Variants in ABLIM2 observed in about 807,000 individuals in gnomAD.
The protein encoded by ABLIM2 is actin binding LIM protein family member 2.
Under a neutral mutation model 97.7 loss-of-function variants are expected in ABLIM2, and 53 were observed. The observed-to-expected ratio is 0.54, with a 90% CI of 0.44 to 0.68. The LOEUF (loss-of-function observed/expected upper bound fraction) is 0.68. Ranked by LOEUF, ABLIM2 falls within the 30% of genes least tolerant of loss-of-function variation. The pLI, the probability that ABLIM2 is intolerant of heterozygous loss-of-function variation, is 0.00. For missense variants in ABLIM2, 835 were observed against 867.2 expected (o/e 0.96, Z 0.47); for synonymous variants, 361 against 345.8 (o/e 1.04, Z -0.49).
rs920549940 is a variant in ABLIM2, at chr4:8,155,614, C to G, written c.10+3066G>C. On this transcript the variant is annotated intron_variant, in intron 1 of 20. Transcript: ENST00000447017. This position sits in a 1 kb window ranked among gnomAD's most constrained non-coding sequence, Gnocchi z 4.2. Reference sequence around the variant, plus strand: ...AAATTCATATGCTGAAGTCCTAACCCCCAGTACTCCAGGATGTGACTATGC... The same window carrying G: ...AAATTCATATGCTGAAGTCCTAACCGCCAGTACTCCAGGATGTGACTATGC... Among the ~76,000 whole-genome samples, 6 of 152,138 alleles carry G rather than the reference C, an allele frequency of 3.9e-5. No individual in the cohort carries two copies.
Position 7,992,392 on chromosome 4 carries a change from T to C in ABLIM2, c.1680+474A>G, listed in dbSNP as rs952419450. 5.9e-5 allele frequency among the ~76,000 whole-genome samples: 9 copies of C among 152,126 alleles called. No individual in the cohort carries two copies. The highest frequency in any genetic ancestry group is 2.2e-4 in the African/African-American group (9 of 41,442). ...TCCGTGCAGCCTCAAGTAACAGCCT[T>C]GGACGCTAAGGATTATTTGGTGTCA... On this transcript the variant is annotated intron_variant, in intron 17 of 20. Transcript: ENST00000447017. The surrounding 1 kb of genome is among the most constrained non-coding windows in gnomAD (Gnocchi z 5.7).
chr4:8,106,143 G>A (rs755996280), intron 2 of ABLIM2, among the ~76,000 whole-genome samples: 8 of 152,208 alleles, frequency 5.3e-5, no homozygotes, highest in Non-Finnish European at 7.3e-5. Context: ...CTGAGTTCAT[G>A]CGGCTGACCA....
intron 1 of ABLIM2, among the ~76,000 whole-genome samples, chr4:8,111,950 A>G (rs1054629319): frequency 2.0e-5 from 3 of 146,542 alleles, no homozygotes; most frequent in African/African-American, 7.5e-5. Flanking sequence ...AAAAAAATTT[A>G]AAAAGGAACT....
intron 20 of ABLIM2, among the ~76,000 whole-genome samples, chr4:7,979,979 A>G (rs756133967): frequency 2.6e-5 from 4 of 152,232 alleles, no homozygotes; most frequent in South Asian, 2.1e-4. Flanking sequence ...TGGAGCCAGC[A>G]CAGAAAAAGC....
chr4:8,054,336 A>G lies in ABLIM2; in HGVS notation c.764-90T>C, dbSNP rs551420258. The G allele has an allele frequency of 3.9e-5, 55 of 1,403,700 alleles. 1 individual carries two copies. In the South Asian group the frequency reaches 6.0e-4, roughly 15 times the overall value. The allele number at this position is 1,403,700 out of a possible 1,614,324, so 87.0% of individuals were successfully genotyped here. A position where few individuals can be genotyped will look rare whatever the true frequency, so the allele number is the denominator to read the frequency against. On this transcript the variant is annotated intron_variant, in intron 7 of 20. Transcript: ENST00000447017. The surrounding 1 kb of genome is among the most constrained non-coding windows in gnomAD (Gnocchi z 4.9). The stretch of plus-strand genomic sequence containing the variant: ...GAAACGCAGAGGAGGGAGCTGGTCC[A>G]TGCACAGACGTGCACTCGGACTCCA...
At chr4:7,973,075 C>CTGTGTGTG (rs71175444) in intron 20 of ABLIM2, among the ~76,000 whole-genome samples, 7,691 of 123,962 alleles carry the variant, frequency 0.062, 410 homozygotes, top group Middle Eastern at 0.087. Flanking sequence ...GCTCCCCTTG[C>CTGTGTGTG]TGTGTGTGTG....
rs927232523 is a variant in ABLIM2, at chr4:8,021,644, A to C, written c.1268-1341T>G. Among the ~76,000 whole-genome samples the C allele has an allele frequency of 6.6e-6, 1 of 152,146 alleles. No homozygotes were observed. Among genetic ancestry groups the C allele is most frequent in the African/African-American group, 2.4e-5 (1 of 41,428 alleles). On this transcript the variant is annotated intron_variant, in intron 12 of 20. Coordinates refer to ENST00000447017, the MANE Select transcript of ABLIM2 (RefSeq NM_001130083.2). The surrounding 1 kb of genome is among the most constrained non-coding windows in gnomAD (Gnocchi z 5.5). ...GGACTGGCCAGGGACCCCACAGTGGACTCGTGAGGAGGGCTCGACAGACAC... is the reference window on the plus strand; with the variant it reads ...GGACTGGCCAGGGACCCCACAGTGGCCTCGTGAGGAGGGCTCGACAGACAC...
chr4:8,095,072 TTCTC>T lies in ABLIM2; in HGVS notation c.338+2023_338+2026del, dbSNP rs991134413. Among the ~76,000 whole-genome samples, 53 of 139,230 alleles carry T rather than the reference TTCTC, an allele frequency of 3.8e-4. No individual in the cohort carries two copies. Among genetic ancestry groups the T allele is most frequent in the South Asian group, 2.0e-3 (9 of 4,428 alleles). 91.3% of individuals were successfully genotyped at this position (139,230 alleles called of 152,430 possible). A position where few individuals can be genotyped will look rare whatever the true frequency, so the allele number is the denominator to read the frequency against. ...TCTTTCTTTCTTTCTCTTTCTTTCT[TTCTC>T]TCTCTCTCTCTTTCTTTCTTTCTCT... On this transcript the variant is annotated intron_variant, in intron 3 of 20. Coordinates refer to ENST00000447017, the MANE Select transcript of ABLIM2 (RefSeq NM_001130083.2). The surrounding 1 kb of genome is among the most constrained non-coding windows in gnomAD (Gnocchi z 4.7).
intron 20 of ABLIM2, among the ~76,000 whole-genome samples, chr4:7,978,340 G>T (rs896627415): frequency 6.6e-6 from 1 of 152,134 alleles, no homozygotes; most frequent in African/African-American, 2.4e-5. Context: ...GTGTGTTCTT[G>T]GAAATCTGAG....
At chr4:7,990,703 C>T (rs1284142480) in intron 17 of ABLIM2, among the ~76,000 whole-genome samples, 2 of 152,080 alleles carry the variant, frequency 1.3e-5, no homozygotes, top group South Asian at 2.1e-4. Flanking sequence ...AGGGCAGGGG[C>T]ACGCACTCCC....
chr4:8,098,727 G>T (rs73075926), intron 2 of ABLIM2, among the ~76,000 whole-genome samples: 1 of 152,102 alleles, frequency 6.6e-6, no homozygotes. Flanking sequence ...GGGCCTCCTT[G>T]TCCTCATCTA....
intron 3 of ABLIM2, among the ~76,000 whole-genome samples, chr4:8,089,309 C>T (rs2152525161): frequency 6.6e-6 from 1 of 152,276 alleles, no homozygotes; most frequent in Non-Finnish European, 1.5e-5. Context: ...GCCATGTCTG[C>T]CCTCGACACC....
Position 8,043,296 on chromosome 4 carries a change from T to C in ABLIM2, c.900+1868A>G, listed in dbSNP as rs902768748. 1.3e-5 allele frequency among the ~76,000 whole-genome samples: 2 copies of C among 152,236 alleles called. No homozygotes were observed. The highest frequency in any genetic ancestry group is 4.8e-5 in the African/African-American group (2 of 41,478). ...TCTCTCGTTATAGGAGTGTCAGCTG[T>C]GACCCTTTCAATGGGTGAGGAAACA... On this transcript the variant is annotated intron_variant, in intron 9 of 20. Coordinates refer to ENST00000447017, the MANE Select transcript of ABLIM2 (RefSeq NM_001130083.2). This position sits in a 1 kb window ranked among gnomAD's most constrained non-coding sequence, Gnocchi z 4.8.
At chr4:8,027,625 C>G (rs542692684) in intron 12 of ABLIM2, 134 bp downstream of exon 12, 1 of 599,500 alleles carries the variant, frequency 1.7e-6, no homozygotes, top group East Asian at 3.5e-5. Flanking sequence ...ACACACAAGA[C>G]ACACACAGAG....
Position 8,148,264 on chromosome 4 carries a change from G to C in ABLIM2, c.10+10416C>G, listed in dbSNP as rs1852148192. Among the ~76,000 whole-genome samples, 1 of 152,196 alleles carries C rather than the reference G, an allele frequency of 6.6e-6. No individual in the cohort carries two copies. On this transcript the variant is annotated intron_variant, in intron 1 of 20. Coordinates refer to ENST00000447017, the MANE Select transcript of ABLIM2 (RefSeq NM_001130083.2). The surrounding 1 kb of genome is among the most constrained non-coding windows in gnomAD (Gnocchi z 6.7). The stretch of plus-strand genomic sequence containing the variant: ...TCTGAAGGGCCCAGTGTGTCTGGAG[G>C]GGAGAGGATGAGCTGGTGGATGAGA...
At chr4:8,131,842 TCCCTGA>T (rs1406245117) in intron 1 of ABLIM2, among the ~76,000 whole-genome samples, 3 of 119,856 alleles carry the variant, frequency 2.5e-5, no homozygotes. Flanking sequence ...GCAGCCCGCA[TCCCTGA>T]GCACAGCAGC....
intron 8 of ABLIM2, among the ~76,000 whole-genome samples, chr4:8,049,637 G>A (rs1794733754): frequency 6.6e-6 from 1 of 152,170 alleles, no homozygotes; most frequent in Admixed American, 6.5e-5. Context: ...CCTGCTACCT[G>A]GCAGCTTCAT....
Position 8,032,888 on chromosome 4 carries a change from A to T in ABLIM2, c.1048-3112T>A, listed in dbSNP as rs1199800043. On this transcript the variant is annotated intron_variant, in intron 10 of 20. Transcript: ENST00000447017. The surrounding 1 kb of genome is among the most constrained non-coding windows in gnomAD (Gnocchi z 4.3). ...AAACATGGTTAATTCTTCCCAGAGA[A>T]AGAGGCCCCCGGGGAAACTGATTTC... Among the ~76,000 whole-genome samples the T allele has an allele frequency of 6.6e-6, 1 of 152,152 alleles. No homozygotes were observed. Among genetic ancestry groups the T allele is most frequent in the Non-Finnish European group, 1.5e-5 (1 of 68,028 alleles).
chr4:8,079,882 T>C (rs1469290435), intron 5 of ABLIM2, among the ~76,000 whole-genome samples: 1 of 152,130 alleles, frequency 6.6e-6, no homozygotes, highest in Non-Finnish European at 1.5e-5. Flanking sequence ...ACAGCATAGA[T>C]AAAAGTGGCC....
Sources: gnomAD v4.1 joint callset for allele counts (sites outside exome capture counted in the v4.1 genomes callset) on GRCh38, gnomAD v4.1.1 for gene constraint, Gnocchi (gnomAD v3.1) non-coding constraint, MANE v1.5 for transcripts, NCBI Gene and HGNC (gene_info 2026-07-23, HGNC 2026-07-21) for gene names.